Variants in PANX1 observed in about 807,000 individuals in gnomAD.
PANX1 encodes the protein pannexin 1.
Under a neutral mutation model 38.7 loss-of-function variants are expected in PANX1, and 30 were observed. That is an observed-to-expected ratio of 0.78 (90% CI 0.58 to 1.05). The LOEUF is 1.05. Among genes scored for constraint, PANX1 ranks in the 50% least tolerant of loss-of-function variants. The probability of loss-of-function intolerance (pLI) is 0.00; values close to 1 mark genes in which losing one functional copy is unlikely to be tolerated. For synonymous variants in PANX1, 230 were observed against 212.2 expected (o/e 1.08, Z -0.73); for missense variants, 551 against 517.2 (o/e 1.07, Z -0.63).
chr11:94,138,468 G>A (rs561311960), intron 1 of PANX1, among the ~76,000 whole-genome samples: 4 of 151,970 alleles, frequency 2.6e-5, no homozygotes, highest in South Asian at 2.1e-4. Flanking sequence ...CCGGTTGTCC[G>A]TTTCCTTTGA....
intron 2 of PANX1, among the ~76,000 whole-genome samples, chr11:94,166,488 C>T (rs1437397250): frequency 2.0e-5 from 3 of 152,182 alleles, no homozygotes; most frequent in African/African-American, 7.2e-5. Context: ...CCCACTCCCT[C>T]CTGGACTGTA....
chr11:94,162,969 G>A (rs11499649), intron 2 of PANX1, among the ~76,000 whole-genome samples: 41,949 of 148,180 alleles, frequency 0.28, 6,763 homozygotes, highest in Admixed American at 0.39. Context: ...TCTCCTGGGT[G>A]TAAGGCAGTC....
chr11:94,128,910 C>T lies in PANX1; in HGVS notation c.-403C>T, dbSNP rs1946587393. ...GGCTGTGAGCGCAGGGCTATCCCGG[C>T]GGCCGCTTCGGCAGCCAGGGCGGCG... On this transcript the variant is annotated 5_prime_UTR_variant, in exon 1 of 5. Coordinates refer to ENST00000227638, the MANE Select transcript of PANX1 (RefSeq NM_015368.4). The T allele has an allele frequency of 6.4e-6, 1 of 156,516 alleles. No homozygotes were observed. The highest frequency in any genetic ancestry group is 2.0e-4 in the South Asian group (1 of 4,998). 9.7% of individuals were successfully genotyped at this position (156,516 alleles called of 1,614,324 possible). A position where few individuals can be genotyped will look rare whatever the true frequency, so the allele number is the denominator to read the frequency against.
chr11:94,135,333 G>A (rs984111549), intron 1 of PANX1, among the ~76,000 whole-genome samples: 3 of 152,256 alleles, frequency 2.0e-5, no homozygotes, highest in African/African-American at 7.2e-5. Flanking sequence ...TCAAAGGATA[G>A]ATATAACTGC....
chr11:94,179,808 G>C lies in PANX1; in HGVS notation c.752G>C (p.Gly251Ala). Reference protein sequence around the residue: ...SDEFVCSIKSGILRNDSTVPD... With the variant: ...SDEFVCSIKSAILRNDSTVPD... ...GAGTTTGTGTGCAGCATCAAATCAGGGATCCTGAGAAACGACAGCACCGTG... is the reference window on the plus strand; with the variant it reads ...GAGTTTGTGTGCAGCATCAAATCAGCGATCCTGAGAAACGACAGCACCGTG... Residue 251 changes from glycine (G) to alanine (A), a missense_variant, in exon 4 of 5, where the codon GGG (glycine) becomes GCG (alanine). Transcript: ENST00000227638. The C allele has an allele frequency of 6.2e-7, 1 of 1,614,078 alleles. No individual in the cohort carries two copies. Among genetic ancestry groups the C allele is most frequent in the South Asian group, 1.1e-5 (1 of 91,074 alleles).
intron 2 of PANX1, chr11:94,175,684 T>A: frequency 1.1e-6 from 1 of 933,128 alleles, no homozygotes; most frequent in Non-Finnish European, 1.3e-6. Flanking sequence ...CACTTATGTT[T>A]TTAAACTAAT....
At chr11:94,180,283 A>G (rs1472971928) in intron 4 of PANX1, 26 bp downstream of exon 4, 5 of 1,541,794 alleles carry the variant, frequency 3.2e-6, no homozygotes, top group East Asian at 2.3e-5. Context: ...GGCAGAGGCT[A>G]CGGGAGTCTA....
intron 2 of PANX1, among the ~76,000 whole-genome samples, chr11:94,165,391 C>T (rs1161024381): frequency 6.6e-6 from 1 of 151,606 alleles, no homozygotes; most frequent in Non-Finnish European, 1.5e-5. Flanking sequence ...TACATGTGCA[C>T]AACGTGCAGG....
rs1230708550 is a variant in PANX1 at position 94,170,691 on chromosome 11, C to T, written c.322-7678C>T. 2.6e-5 allele frequency among the ~76,000 whole-genome samples: 4 copies of T among 151,770 alleles called. No homozygotes were observed. In the East Asian group the frequency reaches 7.7e-4, roughly 29 times the overall value. On this transcript the variant is annotated intron_variant, in intron 2 of 4. Coordinates refer to ENST00000227638, the MANE Select transcript of PANX1 (RefSeq NM_015368.4). ...GCTCCGAGGGCCAGAGTGATCAGTG[C>T]CTTTTCTGAGGTCGCACAGCCAGAT...
intron 2 of PANX1, among the ~76,000 whole-genome samples, chr11:94,157,594 T>C (rs940698871): frequency 1.4e-4 from 22 of 152,340 alleles, no homozygotes; most frequent in African/African-American, 5.1e-4. Flanking sequence ...GTTTGTTTTT[T>C]TCTTGTAAAT....
chr11:94,147,858 A>G (rs1946845458), intron 1 of PANX1, among the ~76,000 whole-genome samples: 1 of 152,204 alleles, frequency 6.6e-6, no homozygotes, highest in Admixed American at 6.5e-5. Flanking sequence ...CATTCATTCT[A>G]AAATGCCCCA....
intron 2 of PANX1, among the ~76,000 whole-genome samples, chr11:94,161,908 C>G (rs962032723): frequency 3.9e-5 from 6 of 152,148 alleles, no homozygotes; most frequent in Non-Finnish European, 8.8e-5. Context: ...GTGTGGATGT[C>G]CTTTCTCTTT....
chr11:94,172,679 G>A (rs1309690100), intron 2 of PANX1, among the ~76,000 whole-genome samples: 5 of 151,608 alleles, frequency 3.3e-5, no homozygotes, highest in Non-Finnish European at 7.3e-5. Context: ...TTACTCTCTG[G>A]CCCTTTACAA....
chr11:94,129,601 G>A, intron 1 of PANX1, 108 bp downstream of exon 1: 1 of 1,020,806 alleles, frequency 9.8e-7, no homozygotes, highest in Non-Finnish European at 1.4e-6. Flanking sequence ...TGTGATGGTC[G>A]TGAGCGTCAG....
intron 2 of PANX1, among the ~76,000 whole-genome samples, chr11:94,175,574 TG>T (rs1455609614): frequency 6.6e-6 from 1 of 151,768 alleles, no homozygotes; most frequent in Non-Finnish European, 1.5e-5. Flanking sequence ...CTTATACAGA[TG>T]TTTCACAAGC....
At chr11:94,140,661 C>G (rs1023035181) in intron 1 of PANX1, among the ~76,000 whole-genome samples, 1 of 152,128 alleles carries the variant, frequency 6.6e-6, no homozygotes, top group African/African-American at 2.4e-5. Flanking sequence ...CTTCTTTGTG[C>G]AGAATGTGTT....
intron 1 of PANX1, 47 bp downstream of exon 1, chr11:94,129,540 C>T (rs759700706): frequency 6.6e-7 from 1 of 1,524,020 alleles, no homozygotes; most frequent in Non-Finnish European, 9.0e-7. Flanking sequence ...CGGTCTGGCC[C>T]GGTGAGCTGC....
At chr11:94,148,116 T>TA (rs1946848220) in intron 1 of PANX1, among the ~76,000 whole-genome samples, 1 of 152,192 alleles carries the variant, frequency 6.6e-6, no homozygotes, top group African/African-American at 2.4e-5. Context: ...GGAGGGTACT[T>TA]ATATTTTCTC....
intron 2 of PANX1, among the ~76,000 whole-genome samples, chr11:94,173,224 A>G (rs1294004779): frequency 6.6e-6 from 1 of 151,444 alleles, no homozygotes; most frequent in Non-Finnish European, 1.5e-5. Context: ...ATTTCTTCCA[A>G]GATTCTCTTT....
Sources: gnomAD v4.1 joint callset for allele counts (sites outside exome capture counted in the v4.1 genomes callset) on GRCh38, gnomAD v4.1.1 for gene constraint, MANE v1.5 for transcripts, NCBI Gene and HGNC (gene_info 2026-07-23, HGNC 2026-07-21) for gene names.